DENND4C: variants seen among roughly 807,000 people sequenced by gnomAD.
DENND4C encodes DENN domain containing 4C, also known as DENN domain-containing protein 4C.
DENND4C carries 108 observed loss-of-function variants against 203.0 expected under a neutral mutation model. The observed-to-expected ratio is 0.53, with a 90% confidence interval of 0.46 to 0.62. The LOEUF (loss-of-function observed/expected upper bound fraction) is 0.62. Among genes scored for constraint, DENND4C ranks in the 20% least tolerant of loss-of-function variants. DENND4C has a pLI of 0.00. For missense variants in DENND4C, 2,481 were observed against 2,301.2 expected, an observed-to-expected ratio of 1.08 and a Z score of -1.60; for synonymous variants, 871 against 792.4, an observed-to-expected ratio of 1.10 and a Z score of -1.67.
At chr9:19,337,606 CTT>C in intron 20 of DENND4C, 1 of 1,280,566 alleles carries the variant, frequency 7.8e-7, no homozygotes, top group Non-Finnish European at 1.0e-6. Context: ...TGCAGACAGA[CTT>C]ATATGACGTG....
chr9:19,236,160 A>C (rs1156766613), intron 1 of DENND4C, among the ~76,000 whole-genome samples: 2 of 152,152 alleles, frequency 1.3e-5, no homozygotes, highest in East Asian at 3.8e-4. Context: ...GATCTATTAA[A>C]GAGGCCCTTT....
At chr9:19,288,766 A>G in intron 4 of DENND4C, 101 bp downstream of exon 4, 1 of 550,906 alleles carries the variant, frequency 1.8e-6, no homozygotes, top group Non-Finnish European at 2.7e-6. Context: ...TAGTTTGTAG[A>G]ATTGATCTAT....
chr9:19,243,133 G>T (rs1564078961), intron 1 of DENND4C, among the ~76,000 whole-genome samples: 1 of 152,110 alleles, frequency 6.6e-6, no homozygotes, highest in Non-Finnish European at 1.5e-5. Context: ...TACATTAGCA[G>T]TCACTCTCCA....
intron 6 of DENND4C, among the ~76,000 whole-genome samples, chr9:19,297,119 T>G (rs1837626305): frequency 6.6e-6 from 1 of 152,216 alleles, no homozygotes; most frequent in Non-Finnish European, 1.5e-5. Context: ...AATTTATGTA[T>G]CCTGCTAACA....
intron 1 of DENND4C, among the ~76,000 whole-genome samples, chr9:19,250,202 G>T (rs958464524): frequency 3.3e-5 from 5 of 152,064 alleles, no homozygotes; most frequent in Admixed American, 6.5e-5. Flanking sequence ...CAGCACTTTG[G>T]GGGGCTGAGG....
intron 12 of DENND4C, among the ~76,000 whole-genome samples, chr9:19,321,669 AC>A (rs1358792457): frequency 6.6e-6 from 1 of 151,860 alleles, no homozygotes. Flanking sequence ...ACATGGCGAA[AC>A]CCTGTCTCTA....
intron 1 of DENND4C, among the ~76,000 whole-genome samples, chr9:19,275,877 G>A (rs529192746): frequency 2.6e-5 from 4 of 152,260 alleles, no homozygotes; most frequent in East Asian, 3.9e-4. Flanking sequence ...AAAGTGCTAG[G>A]ATTACAGGCA....
chr9:19,278,327 C>G (rs1275900190), intron 2 of DENND4C, among the ~76,000 whole-genome samples: 1 of 152,080 alleles, frequency 6.6e-6, no homozygotes, highest in Admixed American at 6.6e-5. Context: ...GTAGCAGAGA[C>G]AGGGTTTCAC....
intron 22 of DENND4C, among the ~76,000 whole-genome samples, chr9:19,344,826 A>G (rs896883645): frequency 2.4e-4 from 37 of 151,934 alleles, no homozygotes; most frequent in African/African-American, 6.5e-4. Flanking sequence ...AAAAAAAATA[A>G]AAGAAAGAAA....
At chr9:19,272,827 G>A (rs1274428808) in intron 1 of DENND4C, among the ~76,000 whole-genome samples, 3 of 152,044 alleles carry the variant, frequency 2.0e-5, no homozygotes, top group African/African-American at 7.2e-5. Flanking sequence ...GAGCACAGTG[G>A]CGTGATCTTG....
intron 1 of DENND4C, among the ~76,000 whole-genome samples, chr9:19,236,478 GA>G (rs1331552561): frequency 6.6e-6 from 1 of 152,222 alleles, no homozygotes; most frequent in African/African-American, 2.4e-5. Flanking sequence ...AGAGTAAGTA[GA>G]GGCTGTGTCA....
At chr9:19,352,371 G>A in intron 25 of DENND4C, 119 bp from the exon 26 acceptor site, 1 of 1,124,100 alleles carries the variant, frequency 8.9e-7, no homozygotes, top group Non-Finnish European at 1.2e-6. Flanking sequence ...TAAAAGAACT[G>A]TTATTAATAA....
intron 10 of DENND4C, among the ~76,000 whole-genome samples, chr9:19,305,792 A>G (rs1839537935): frequency 6.6e-6 from 1 of 152,200 alleles, no homozygotes; most frequent in African/African-American, 2.4e-5. Context: ...AGAAGAGACT[A>G]TGAGTTGGAA....
chr9:19,275,703 T>A (rs896164201), intron 1 of DENND4C, among the ~76,000 whole-genome samples: 1 of 151,988 alleles, frequency 6.6e-6, no homozygotes, highest in Non-Finnish European at 1.5e-5. Flanking sequence ...GCTCCTGACC[T>A]CAGGTGATCC....
intron 1 of DENND4C, among the ~76,000 whole-genome samples, chr9:19,266,740 T>G: frequency 6.6e-6 from 1 of 152,182 alleles, no homozygotes; most frequent in Non-Finnish European, 1.5e-5. Flanking sequence ...GATTCCTTAT[T>G]TAATAAATGG....
chr9:19,290,981 C>G, intron 5 of DENND4C, 105 bp downstream of exon 5: 1 of 1,208,034 alleles, frequency 8.3e-7, no homozygotes. Flanking sequence ...GGACATGATA[C>G]ATTTTGGTTT....
intron 15 of DENND4C, among the ~76,000 whole-genome samples, chr9:19,326,767 G>A (rs1430067334): frequency 6.6e-6 from 1 of 152,076 alleles, no homozygotes; most frequent in Non-Finnish European, 1.5e-5. Context: ...ATGTGTGTGT[G>A]TATGTATTGC....
At chr9:19,338,872 T>C (rs961170398) in intron 20 of DENND4C, among the ~76,000 whole-genome samples, 12 of 152,344 alleles carry the variant, frequency 7.9e-5, no homozygotes, top group East Asian at 5.8e-4. Context: ...TAATAAGTGA[T>C]GGAAAATGGA....
chr9:19,242,251 C>T (rs1417144817), intron 1 of DENND4C, among the ~76,000 whole-genome samples: 1 of 152,128 alleles, frequency 6.6e-6, no homozygotes, highest in Non-Finnish European at 1.5e-5. Flanking sequence ...TTGTGGTTTG[C>T]TAGCTCATTT....
Sources: allele counts gnomAD v4.1 joint callset (sites outside exome capture counted in the v4.1 genomes callset), GRCh38; gene constraint gnomAD v4.1.1; transcripts MANE v1.5; gene names NCBI Gene and HGNC (gene_info 2026-07-23, HGNC 2026-07-21).